The following ASIC2 variants were observed in gnomAD, a reference collection of about 807,000 sequenced individuals.
The protein encoded by ASIC2 is acid sensing ion channel subunit 2, also known as acid-sensing ion channel 2.
In ASIC2, 25 loss-of-function variants were observed where a neutral mutation model predicts 57.3. That is an observed-to-expected ratio of 0.44 (90% CI 0.32 to 0.61). The LOEUF is 0.61. Among genes scored for constraint, ASIC2 ranks in the 20% least tolerant of loss-of-function variants. The probability of loss-of-function intolerance (pLI) is 0.06; values close to 1 mark genes in which losing one functional copy is unlikely to be tolerated. For synonymous variants in ASIC2, 319 were observed against 307.5 expected (o/e 1.04, Z -0.39); for missense variants, 641 against 738.1 (o/e 0.87, Z 1.52).
chr17:33,322,574 T>C (rs941816547), intron 1 of ASIC2, among the ~76,000 whole-genome samples: 1 of 152,238 alleles, frequency 6.6e-6, no homozygotes, highest in Admixed American at 6.5e-5. Flanking sequence ...CATTCATTCA[T>C]TCATTCATCC....
At chr17:33,598,498 G>T (rs773040753) in intron 1 of ASIC2, among the ~76,000 whole-genome samples, 1 of 152,100 alleles carries the variant, frequency 6.6e-6, no homozygotes, top group African/African-American at 2.4e-5. Flanking sequence ...TTGAAGGGTG[G>T]TGTTTCTTCA....
At chr17:33,975,507 A>G (rs746284978) in intron 1 of ASIC2, among the ~76,000 whole-genome samples, 4 of 152,184 alleles carry the variant, frequency 2.6e-5, no homozygotes, top group African/African-American at 7.2e-5. Context: ...AAGAAAAAAA[A>G]TGCTGACAAG....
intron 1 of ASIC2, chr17:34,003,151 T>C (rs1231120440): frequency 6.6e-6 from 1 of 152,182 alleles, no homozygotes; most frequent in African/African-American, 2.4e-5. Flanking sequence ...CTATCTCAAG[T>C]AGTTCACGAG....
intron 1 of ASIC2, among the ~76,000 whole-genome samples, chr17:33,851,970 G>A (rs1913778146): frequency 6.6e-6 from 1 of 152,194 alleles, no homozygotes; most frequent in African/African-American, 2.4e-5. Flanking sequence ...AACCCCCAAG[G>A]CTCAGAAGAA....
At chr17:33,165,715 G>GCTAATTTGGTTC (rs1905287038) in intron 1 of ASIC2, among the ~76,000 whole-genome samples, 1 of 152,092 alleles carries the variant, frequency 6.6e-6, no homozygotes, top group Non-Finnish European at 1.5e-5. Context: ...CAAGGACATA[G>GCTAATTTGGTTC]CTAATTTGGT....
At chr17:34,016,379 C>G (rs374284875) in intron 1 of ASIC2, among the ~76,000 whole-genome samples, 262 of 147,862 alleles carry the variant, frequency 1.8e-3, no homozygotes, top group African/African-American at 6.4e-3. Context: ...AGCTGAGATC[C>G]CGCCACTACA....
At chr17:33,698,067 G>A (rs918354016) in intron 1 of ASIC2, among the ~76,000 whole-genome samples, 7 of 152,178 alleles carry the variant, frequency 4.6e-5, no homozygotes, top group Non-Finnish European at 8.8e-5. Context: ...TACAAAATTA[G>A]AACTACTTTA....
chr17:34,048,555 A>G (rs1908424043), intron 1 of ASIC2, among the ~76,000 whole-genome samples: 1 of 151,226 alleles, frequency 6.6e-6, no homozygotes, highest in Non-Finnish European at 1.5e-5. Flanking sequence ...CCTATTGTGC[A>G]GTAAAGAGAC....
chr17:33,040,327 T>C (rs907554746), intron 3 of ASIC2, among the ~76,000 whole-genome samples: 4 of 152,228 alleles, frequency 2.6e-5, no homozygotes, highest in African/African-American at 9.6e-5. Flanking sequence ...GCTGGGAAGC[T>C]AGCATCCAAC....
intron 1 of ASIC2, among the ~76,000 whole-genome samples, chr17:33,948,557 T>C (rs12603073): frequency 0.16 from 24,460 of 152,232 alleles, 2,387 homozygotes; most frequent in East Asian, 0.31. Flanking sequence ...GGCCTCTGAC[T>C]GCATGGTGCC....
chr17:33,411,734 TTGAC>T, intron 1 of ASIC2, among the ~76,000 whole-genome samples: 1 of 152,290 alleles, frequency 6.6e-6, no homozygotes, highest in South Asian at 2.1e-4. Flanking sequence ...AGCTTTACCA[TTGAC>T]TGACTGTGTG....
chr17:34,022,060 A>C (rs1056659575), intron 1 of ASIC2, among the ~76,000 whole-genome samples: 2 of 151,914 alleles, frequency 1.3e-5, no homozygotes, highest in African/African-American at 2.4e-5. Flanking sequence ...GATGGTCTCG[A>C]TCTCCTGACC....
rs564443436 is a variant in ASIC2, at chr17:33,961,630, C to T, written c.555+194348G>A. On this transcript the variant is annotated intron_variant, in intron 1 of 9. Transcript: ENST00000359872. ...CAGACTTGCTGTTCTGGGAAGATCA[C>T]GGAGTGATTTGCATAATTGCCTTCT... Among the ~76,000 whole-genome samples, 8 of 152,288 alleles carry T rather than the reference C, an allele frequency of 5.3e-5. No individual in the cohort carries two copies. In the South Asian group the frequency reaches 1.7e-3, roughly 32 times the overall value.
At chr17:33,368,649 G>A (rs2141936918) in intron 1 of ASIC2, among the ~76,000 whole-genome samples, 1 of 152,304 alleles carries the variant, frequency 6.6e-6, no homozygotes, top group African/African-American at 2.4e-5. Context: ...TACTTTCCAT[G>A]TTACCACTGA....
chr17:33,619,500 C>T (rs1014380051), intron 1 of ASIC2, among the ~76,000 whole-genome samples: 8 of 152,138 alleles, frequency 5.3e-5, no homozygotes, highest in African/African-American at 1.2e-4. Context: ...AGAGAGAGCA[C>T]GAATTCACAG....
intron 1 of ASIC2, among the ~76,000 whole-genome samples, chr17:33,762,627 G>A (rs1728616218): frequency 6.6e-6 from 1 of 152,158 alleles, no homozygotes. Context: ...CTTACTAAGT[G>A]GACACATGAC....
intron 1 of ASIC2, among the ~76,000 whole-genome samples, chr17:34,042,028 C>T (rs1225048040): frequency 2.0e-5 from 3 of 152,170 alleles, no homozygotes; most frequent in Non-Finnish European, 4.4e-5. Flanking sequence ...CAAACTCACA[C>T]GAAGATTCCA....
intron 1 of ASIC2, among the ~76,000 whole-genome samples, chr17:33,835,926 G>A (rs1913259622): frequency 6.6e-6 from 1 of 151,190 alleles, no homozygotes; most frequent in African/African-American, 2.4e-5. Context: ...GGGATTACAG[G>A]TGCAAGTCAC....
chr17:34,053,918 G>C (rs1410305961), intron 1 of ASIC2, among the ~76,000 whole-genome samples: 1 of 152,220 alleles, frequency 6.6e-6, no homozygotes, highest in Non-Finnish European at 1.5e-5. Flanking sequence ...CTCAGTCCCT[G>C]ACAAGACTCA....
Sources: allele counts gnomAD v4.1 joint callset (sites outside exome capture counted in the v4.1 genomes callset), GRCh38; gene constraint gnomAD v4.1.1; transcripts MANE v1.5; gene names NCBI Gene and HGNC (gene_info 2026-07-23, HGNC 2026-07-21).